Variants in SLIT2 observed in about 807,000 individuals in gnomAD.
SLIT2 encodes slit homolog 2 protein.
SLIT2 carries 41 observed loss-of-function variants against 185.7 expected under a neutral mutation model. That is an observed-to-expected ratio of 0.22 (90% CI 0.17 to 0.29). SLIT2 has a LOEUF of 0.29. Among genes scored for constraint, SLIT2 ranks in the 10% least tolerant of loss-of-function variants. The pLI, the probability that SLIT2 is intolerant of heterozygous loss-of-function variation, is 1.00. For synonymous variants in SLIT2, 693 were observed against 680.2 expected (o/e 1.02, Z -0.29); for missense variants, 1,571 against 1,909.0 (o/e 0.82, Z 3.30).
chr4:20,504,653 G>T (rs896942663), intron 9 of SLIT2, among the ~76,000 whole-genome samples: 1 of 151,976 alleles, frequency 6.6e-6, no homozygotes, highest in East Asian at 1.9e-4. Flanking sequence ...AACATGATTT[G>T]GGACCATATA....
chr4:20,511,049 C>G lies in SLIT2; in HGVS notation c.987-17C>G, dbSNP rs772037740. On this transcript the variant is annotated splice_polypyrimidine_tract_variant and intron_variant, in intron 10 of 36. Coordinates refer to ENST00000504154, the MANE Select transcript of SLIT2 (RefSeq NM_004787.4). ...GACATTTGATTGAATGTAACCTAAC[C>G]CTATTTCTAATCTTAGTGACCTGAG... The G allele has an allele frequency of 6.5e-7, 1 of 1,529,012 alleles. No homozygotes were observed. The highest frequency in any genetic ancestry group is 1.1e-5 in the South Asian group (1 of 89,090). The allele number at this position is 1,529,012 out of a possible 1,614,324, so 94.7% of individuals were successfully genotyped here. A position where few individuals can be genotyped will look rare whatever the true frequency, so the allele number is the denominator to read the frequency against.
intron 4 of SLIT2, among the ~76,000 whole-genome samples, chr4:20,444,349 GT>G (rs1163754030): frequency 2.0e-5 from 3 of 151,618 alleles, no homozygotes; most frequent in African/African-American, 7.3e-5. Flanking sequence ...ATGTCATCTT[GT>G]TTTATTTGTA....
At chr4:20,389,533 GTTTT>G in intron 4 of SLIT2, among the ~76,000 whole-genome samples, 1 of 120,464 alleles carries the variant, frequency 8.3e-6, no homozygotes, top group East Asian at 2.5e-4. Flanking sequence ...GTTGTTATGT[GTTTT>G]TTTTTTTAAC....
intron 4 of SLIT2, among the ~76,000 whole-genome samples, chr4:20,335,649 T>C (rs1322351968): frequency 6.6e-6 from 1 of 152,064 alleles, no homozygotes; most frequent in Non-Finnish European, 1.5e-5. Context: ...AGATCTCAGG[T>C]TGGAATAATA....
At chr4:20,355,652 C>A (rs1348856024) in intron 4 of SLIT2, among the ~76,000 whole-genome samples, 1 of 152,100 alleles carries the variant, frequency 6.6e-6, no homozygotes, top group Admixed American at 6.6e-5. Context: ...CAAACTATAG[C>A]CTACTGTCAA....
intron 4 of SLIT2, among the ~76,000 whole-genome samples, chr4:20,270,795 C>A (rs891164061): frequency 6.6e-6 from 1 of 151,938 alleles, no homozygotes; most frequent in Non-Finnish European, 1.5e-5. Context: ...CAGATTTAGG[C>A]ACTGGATGTA....
At chr4:20,558,242 G>A (rs937246568) in intron 26 of SLIT2, among the ~76,000 whole-genome samples, 2 of 152,154 alleles carry the variant, frequency 1.3e-5, no homozygotes, top group East Asian at 3.9e-4. Context: ...ATACTACAGA[G>A]AAATATCTGG....
intron 3 of SLIT2, among the ~76,000 whole-genome samples, chr4:20,264,059 C>T (rs571658207): frequency 3.3e-5 from 5 of 151,550 alleles, no homozygotes; most frequent in Admixed American, 2.0e-4. Flanking sequence ...AGAGAAATAC[C>T]GGGAAGTAAG....
intron 4 of SLIT2, among the ~76,000 whole-genome samples, chr4:20,312,770 T>G (rs1439794739): frequency 2.3e-5 from 1 of 42,752 alleles, no homozygotes; most frequent in African/African-American, 1.3e-4. Flanking sequence ...AGACTTTGTC[T>G]CAAAAAAAAA....
intron 4 of SLIT2, among the ~76,000 whole-genome samples, chr4:20,407,414 A>G (rs951927557): frequency 2.0e-5 from 3 of 152,350 alleles, no homozygotes; most frequent in South Asian, 2.1e-4. Flanking sequence ...TTCATGAAGA[A>G]CAAAACTAGA....
intron 28 of SLIT2, among the ~76,000 whole-genome samples, chr4:20,568,301 T>C: frequency 6.6e-6 from 1 of 152,110 alleles, no homozygotes; most frequent in East Asian, 1.9e-4. Flanking sequence ...TACTCAAAAA[T>C]TATTCGATAC....
intron 18 of SLIT2, among the ~76,000 whole-genome samples, chr4:20,536,198 ATGAGTGAGTGG>A (rs1245055148): frequency 6.6e-6 from 1 of 152,180 alleles, no homozygotes; most frequent in Non-Finnish European, 1.5e-5. Flanking sequence ...GGGTGAGTGA[ATGAGTGAGTGG>A]TGAGTGAACG....
At chr4:20,259,996 A>C (rs1448113276) in intron 3 of SLIT2, among the ~76,000 whole-genome samples, 2 of 151,882 alleles carry the variant, frequency 1.3e-5, no homozygotes, top group Non-Finnish European at 3.0e-5. Context: ...TCTTAGGAAC[A>C]TTGTGGATAC....
intron 8 of SLIT2, among the ~76,000 whole-genome samples, chr4:20,489,667 C>G (rs1053643378): frequency 3.3e-5 from 5 of 152,198 alleles, no homozygotes; most frequent in Non-Finnish European, 7.3e-5. Flanking sequence ...GCCTGTAATT[C>G]TAGCTACTTG....
At chr4:20,502,821 A>G (rs988309564) in intron 9 of SLIT2, among the ~76,000 whole-genome samples, 10 of 152,340 alleles carry the variant, frequency 6.6e-5, no homozygotes, top group South Asian at 4.1e-4. Context: ...GATTTCCATG[A>G]TAGAAAAATC....
intron 4 of SLIT2, among the ~76,000 whole-genome samples, chr4:20,440,015 A>T (rs1311984717): frequency 6.6e-6 from 1 of 152,222 alleles, no homozygotes; most frequent in Admixed American, 6.5e-5. Flanking sequence ...CCTTCTAATG[A>T]AATAGTTACA....
chr4:20,271,456 A>T (rs1264165155), intron 4 of SLIT2, among the ~76,000 whole-genome samples: 14 of 145,448 alleles, frequency 9.6e-5, no homozygotes. Flanking sequence ...TAATTAATTT[A>T]TATATAATAT....
chr4:20,293,972 A>G (rs937873700), intron 4 of SLIT2, among the ~76,000 whole-genome samples: 2 of 151,528 alleles, frequency 1.3e-5, no homozygotes, highest in Non-Finnish European at 2.9e-5. Flanking sequence ...ATTTGTCAAT[A>G]TTTAAAGACA....
intron 4 of SLIT2, among the ~76,000 whole-genome samples, chr4:20,429,254 CAG>C (rs1728785747): frequency 6.6e-6 from 1 of 151,972 alleles, no homozygotes; most frequent in South Asian, 2.1e-4. Context: ...ATAATCAAGG[CAG>C]AAATTATTTT....
Sources: gnomAD v4.1 joint callset for allele counts (sites outside exome capture counted in the v4.1 genomes callset) on GRCh38, gnomAD v4.1.1 for gene constraint, MANE v1.5 for transcripts, NCBI Gene and HGNC (gene_info 2026-07-23, HGNC 2026-07-21) for gene names.